The following UTP20 variants were observed in gnomAD, a reference collection of about 807,000 sequenced individuals.
The protein encoded by UTP20 is small subunit processome component 20 homolog.
In UTP20, 164 loss-of-function variants were observed where a neutral mutation model predicts 329.5. The ratio of observed to expected loss-of-function variants is 0.50; its 90% CI spans 0.44 to 0.57. UTP20 has a LOEUF of 0.57. Ranked by LOEUF, UTP20 falls within the 20% of genes least tolerant of loss-of-function variation. UTP20 has a pLI of 0.00. For missense variants in UTP20, 3,055 were observed against 3,284.2 expected (o/e 0.93, Z 1.71); for synonymous variants, 1,151 against 1,159.3 (o/e 0.99, Z 0.14).
chr12:101,344,562 G>C lies in UTP20; in HGVS notation c.4450-33G>C, dbSNP rs552072444. On this transcript the variant is annotated intron_variant, in intron 35 of 61. Coordinates refer to ENST00000261637, the MANE Select transcript of UTP20 (RefSeq NM_014503.3). ...TATTCCATATTGTAGTTATTACAGA[G>C]AATAATTTCTTTTTTATTTCTCTTT... 5 of 878,738 alleles carry C rather than the reference G, an allele frequency of 5.7e-6. No homozygotes were observed. The Admixed American group carries it at 8.7e-5, about 15-fold the overall frequency. The allele number at this position is 878,738 out of a possible 1,614,324, so 54.4% of individuals were successfully genotyped here.
intron 58 of UTP20, 78 bp downstream of exon 58, chr12:101,381,289 T>C (rs1870637669): frequency 7.6e-7 from 1 of 1,314,006 alleles, no homozygotes; most frequent in Admixed American, 1.7e-5. Flanking sequence ...CCCAGCACTT[T>C]GAGAGGCCGA....
At chr12:101,383,378 T>C in intron 59 of UTP20, 65 bp downstream of exon 59, 1 of 1,514,720 alleles carries the variant, frequency 6.6e-7, no homozygotes, top group Non-Finnish European at 9.0e-7. Context: ...TTAATGATAT[T>C]AGTGATCCTC....
rs1870104934 is a variant in UTP20 at position 101,366,663 on chromosome 12, A to G, written c.6231A>G (p.Lys2077=). 6.2e-7 allele frequency: 1 copy of G among 1,614,138 alleles called. No individual in the cohort carries two copies. Among genetic ancestry groups the G allele is most frequent in the East Asian group, 2.2e-5 (1 of 44,880 alleles). The stretch of plus-strand genomic sequence containing the variant: ...GACAGAAAGCTGTTGTGAGCAGGAA[A>G]ACCAACATGCACATATTTATTGAGT... ...RGGQKAVVSR[K]TNMHIFIESG... is the part of the protein sequence containing the mutation. Residue 2077 remains lysine (K), a synonymous_variant, in exon 47 of 62, where the codon AAA becomes AAG. Coordinates refer to ENST00000261637, the MANE Select transcript of UTP20 (RefSeq NM_014503.3).
Position 101,356,937 on chromosome 12 carries a change from A to C in UTP20, c.5546A>C (p.Lys1849Thr). The C allele has an allele frequency of 6.2e-7, 1 of 1,603,140 alleles. No homozygotes were observed. Among genetic ancestry groups the C allele is most frequent in the Non-Finnish European group, 8.5e-7 (1 of 1,177,260 alleles). ...TTCTCATTTTCTAGTATTTTGCTGAAAGTGTGTGCCCTACTCAAGAACAGA... is the reference window on the plus strand; with the variant it reads ...TTCTCATTTTCTAGTATTTTGCTGACAGTGTGTGCCCTACTCAAGAACAGA... ...MEANLPSILL[K>T]VCALLKNRAQ... The change falls in exon 43 of 62, where the codon AAA (lysine) becomes ACA (threonine). Residue 1849 changes from lysine (K) to threonine (T), a missense_variant. Lys to Thr is a moderately conservative substitution (Grantham distance 78). This residue lies in a region of UTP20 where 2,445 missense variants were observed against 2,575.5 expected (regional missense o/e 0.95). Transcript: ENST00000261637.
chr12:101,320,136 A>G (rs1433274033), intron 23 of UTP20, among the ~76,000 whole-genome samples: 1 of 152,172 alleles, frequency 6.6e-6, no homozygotes, highest in Non-Finnish European at 1.5e-5. Flanking sequence ...GGGGAAACAA[A>G]ATTTTCATTT....
intron 14 of UTP20, among the ~76,000 whole-genome samples, chr12:101,301,434 G>A (rs1315305766): frequency 2.0e-5 from 3 of 152,146 alleles, no homozygotes; most frequent in Non-Finnish European, 2.9e-5. Flanking sequence ...TTGCGAGGCC[G>A]AAGTGAGTGG....
At chr12:101,306,587 C>G (rs1355073197) in intron 16 of UTP20, 112 bp from the exon 17 acceptor site, 3 of 990,390 alleles carry the variant, frequency 3.0e-6, no homozygotes, top group Non-Finnish European at 4.4e-6. Context: ...TTACTCTGGT[C>G]AAATGGTATT....
chr12:101,304,971 G>A (rs1872613051), intron 15 of UTP20, among the ~76,000 whole-genome samples: 2 of 152,138 alleles, frequency 1.3e-5, no homozygotes, highest in Non-Finnish European at 2.9e-5. Context: ...CCTCTGCCTA[G>A]AATGCTTTTC....
In UTP20 at chr12:101,365,066, T is replaced by G. The variant is rs1056538892; in HGVS notation, c.5959-393T>G. Among the ~76,000 whole-genome samples the G allele has an allele frequency of 7.4e-5, 9 of 121,578 alleles. No individual in the cohort carries two copies. The South Asian group carries it at 2.2e-3, about 30-fold the overall frequency. 79.8% of individuals were successfully genotyped at this position (121,578 alleles called of 152,430 possible). A position where few individuals can be genotyped will look rare whatever the true frequency, so the allele number is the denominator to read the frequency against. On this transcript the variant is annotated intron_variant, in intron 45 of 61. Transcript: ENST00000261637. ...TTTTCTATGAGGAGTGAATACATTT[T>G]GTTGATTGTGTGTGTGTGTGTGTGT...
intron 40 of UTP20, among the ~76,000 whole-genome samples, chr12:101,353,661 A>G (rs1869617219): frequency 2.0e-5 from 3 of 152,172 alleles, no homozygotes; most frequent in African/African-American, 7.2e-5. Flanking sequence ...TCACCATAGC[A>G]CCACTGCCTT....
At chr12:101,365,409 A>C in intron 45 of UTP20, 50 bp from the exon 46 acceptor site, 1 of 1,407,064 alleles carries the variant, frequency 7.1e-7, no homozygotes. Context: ...ATGACAAATC[A>C]AAATGCATTT....
Position 101,293,212 on chromosome 12 carries a change from T to A in UTP20, c.1218T>A (p.Ser406=), listed in dbSNP as rs139484901. The A allele has an allele frequency of 6.2e-7, 1 of 1,614,040 alleles. No homozygotes were observed. Among genetic ancestry groups the A allele is most frequent in the African/African-American group, 1.3e-5 (1 of 74,958 alleles). ...AAAAACGTTTAATTTTCAGTTTTTC[T>A]GAAGTCATGTTTGCCATGAAGCAGT... ...RFEKRLIFSF[S]EVMFAMKQFE... The change falls in exon 11 of 62, where the codon TCT becomes TCA. Residue 406 remains serine (S), a synonymous_variant. Transcript: ENST00000261637.
chr12:101,299,926 C>T (rs1351547313), intron 13 of UTP20, 47 bp from the exon 14 acceptor site: 1 of 1,609,988 alleles, frequency 6.2e-7, no homozygotes, highest in African/African-American at 1.3e-5. Flanking sequence ...TGAAACAAAC[C>T]ATTGAATGCC....
At chr12:101,337,634 A>G (rs1415204410) in intron 29 of UTP20, among the ~76,000 whole-genome samples, 1 of 152,240 alleles carries the variant, frequency 6.6e-6, no homozygotes, top group Non-Finnish European at 1.5e-5. Flanking sequence ...ACGTGAGTGT[A>G]TAAACATTCA....
chr12:101,356,720 T>C (rs780649703), intron 42 of UTP20, 27 bp downstream of exon 42: 4 of 1,584,956 alleles, frequency 2.5e-6, no homozygotes, highest in African/African-American at 1.4e-5. Flanking sequence ...ATTAGAAGTT[T>C]AGTGAAACTC....
chr12:101,344,498 C>T (rs1869254400), intron 35 of UTP20, 97 bp from the exon 36 acceptor site: 2 of 712,080 alleles, frequency 2.8e-6, no homozygotes, highest in Non-Finnish European at 4.9e-6. Context: ...TTTACAAGCA[C>T]AGTGACAGAA....
In UTP20 at chr12:101,281,903, A is replaced by G. The variant is rs956966299; in HGVS notation, c.126+707A>G. On this transcript the variant is annotated intron_variant, in intron 2 of 61. Coordinates refer to ENST00000261637, the MANE Select transcript of UTP20 (RefSeq NM_014503.3). ...CATTTTTAGTAGAGACGGGGTTTTG[A>G]CATGTTGGCCAGGATGGTCTCAATC... 1.1e-3 allele frequency among the ~76,000 whole-genome samples: 163 copies of G among 151,946 alleles called. 2 individuals are homozygous for G. The highest frequency in any genetic ancestry group is 1.0e-4 in the Non-Finnish European group (7 of 67,938).
rs528126332 is a variant in UTP20, at chr12:101,381,902, C to G, written c.7656+691C>G. On this transcript the variant is annotated intron_variant, in intron 58 of 61. Coordinates refer to ENST00000261637, the MANE Select transcript of UTP20 (RefSeq NM_014503.3). Reference sequence around the variant, plus strand: ...GGCATGGTGGCGCATGCCTGTAGTCCCAGCTACACAGGAGGCTGAGGCAAG... The same window carrying G: ...GGCATGGTGGCGCATGCCTGTAGTCGCAGCTACACAGGAGGCTGAGGCAAG... 6.0e-5 allele frequency among the ~76,000 whole-genome samples: 9 copies of G among 150,992 alleles called. No homozygotes were observed. In the East Asian group the frequency reaches 1.6e-3, roughly 26 times the overall value.
intron 25 of UTP20, among the ~76,000 whole-genome samples, chr12:101,324,078 A>G (rs967516364): frequency 3.9e-5 from 6 of 152,064 alleles, no homozygotes; most frequent in Non-Finnish European, 8.8e-5. Flanking sequence ...TGGAGGTTGC[A>G]GTGAGCTGAG....
Sources: gnomAD v4.1 joint callset for allele counts (sites outside exome capture counted in the v4.1 genomes callset) on GRCh38, gnomAD v4.1.1 for gene constraint, gnomAD v4.1.1 regional missense constraint, MANE v1.5 for transcripts, NCBI Gene and HGNC (gene_info 2026-07-23, HGNC 2026-07-21) for gene names.